CDYL2: variants seen among roughly 807,000 people sequenced by gnomAD.
CDYL2 encodes the protein chromodomain Y-like protein 2.
In CDYL2, 23 loss-of-function variants were observed where a neutral mutation model predicts 49.4. That is an observed-to-expected ratio of 0.47 (90% confidence interval 0.34 to 0.66). CDYL2 has a LOEUF of 0.66. Ranked by LOEUF, CDYL2 falls within the 30% of genes least tolerant of loss-of-function variation. The pLI is 0.01. For missense variants in CDYL2, 678 were observed against 656.4 expected (o/e 1.03, Z -0.36); for synonymous variants, 360 against 268.8 (o/e 1.34, Z -3.32).
chr16:80,797,840 G>C (rs1907812292), intron 1 of CDYL2, among the ~76,000 whole-genome samples: 2 of 152,138 alleles, frequency 1.3e-5, no homozygotes, highest in Admixed American at 1.3e-4. Flanking sequence ...TATTGAAACA[G>C]CACATTAACT....
chr16:80,668,848 G>A (rs189859901), intron 2 of CDYL2, among the ~76,000 whole-genome samples: 230 of 152,074 alleles, frequency 1.5e-3, no homozygotes, highest in African/African-American at 5.2e-3. Flanking sequence ...GCAGTGAGCC[G>A]AGATCACCCC....
chr16:80,773,942 CAGAT>C (rs756627513), intron 1 of CDYL2, among the ~76,000 whole-genome samples: 9 of 151,888 alleles, frequency 5.9e-5, no homozygotes, highest in Middle Eastern at 3.2e-3. Flanking sequence ...GTTCTACAAA[CAGAT>C]AGGTTTATAG....
chr16:80,783,697 T>C (rs961722193), intron 1 of CDYL2, among the ~76,000 whole-genome samples: 1 of 152,238 alleles, frequency 6.6e-6, no homozygotes, highest in Non-Finnish European at 1.5e-5. Flanking sequence ...ATGAGTCAGA[T>C]TACATGCTAC....
intron 1 of CDYL2, among the ~76,000 whole-genome samples, chr16:80,737,737 G>C (rs1017039139): frequency 6.6e-6 from 1 of 152,190 alleles, no homozygotes; most frequent in African/African-American, 2.4e-5. Flanking sequence ...CAGTAGGTCT[G>C]GGGTAAGGCT....
chr16:80,735,725 T>C (rs1905498331), intron 1 of CDYL2, among the ~76,000 whole-genome samples: 2 of 152,228 alleles, frequency 1.3e-5, no homozygotes, highest in East Asian at 1.9e-4. Flanking sequence ...CAATAATCAC[T>C]GGACTCTCGA....
At chr16:80,676,101 C>T (rs971502469) in intron 2 of CDYL2, among the ~76,000 whole-genome samples, 5 of 152,218 alleles carry the variant, frequency 3.3e-5, no homozygotes, top group East Asian at 3.9e-4. Context: ...GTTAAAGAGT[C>T]GGATTTCCCA....
chr16:80,681,055 G>A (rs560045212), intron 2 of CDYL2, among the ~76,000 whole-genome samples: 109 of 152,210 alleles, frequency 7.2e-4, no homozygotes, highest in African/African-American at 2.4e-3. Context: ...AACACCACCC[G>A]CCGGAGCCCC....
chr16:80,622,423 G>A (rs2142377824), intron 3 of CDYL2, among the ~76,000 whole-genome samples: 1 of 150,790 alleles, frequency 6.6e-6, no homozygotes, highest in Admixed American at 6.6e-5. Context: ...ATTCTCCCTT[G>A]CCCAGCACCC....
chr16:80,755,711 A>G (rs779074002), intron 1 of CDYL2, among the ~76,000 whole-genome samples: 1 of 152,206 alleles, frequency 6.6e-6, no homozygotes, highest in African/African-American at 2.4e-5. Context: ...GACAACACCA[A>G]CAGTACTGTA....
intron 1 of CDYL2, among the ~76,000 whole-genome samples, chr16:80,687,068 G>C (rs1435551601): frequency 6.6e-6 from 1 of 152,218 alleles, no homozygotes; most frequent in Non-Finnish European, 1.5e-5. Context: ...AGGATTTCTG[G>C]AAGAGCCTGC....
rs35071485 is a variant in CDYL2, at chr16:80,702,183, A to AACACACACAC, written c.25-17064_25-17055dup. 7.2e-3 allele frequency among the ~76,000 whole-genome samples: 1,032 copies of AACACACACAC among 142,846 alleles called. 13 individuals are homozygous for AACACACACAC. The highest frequency in any genetic ancestry group is 0.025 in the African/African-American group (959 of 38,230). The allele number at this position is 142,846 out of a possible 152,430, so 93.7% of individuals were successfully genotyped here. A position where few individuals can be genotyped will look rare whatever the true frequency, so the allele number is the denominator to read the frequency against. On this transcript the variant is annotated intron_variant, in intron 1 of 6. Transcript: ENST00000570137. ...AGGTTCCAAGAGTCAGAAGGCCTAA[A>AACACACACAC]ACACACACACACACACACACACACA...
intron 1 of CDYL2, among the ~76,000 whole-genome samples, chr16:80,718,216 T>C (rs1482374035): frequency 3.3e-5 from 5 of 152,250 alleles, no homozygotes; most frequent in Non-Finnish European, 5.9e-5. Flanking sequence ...AGTTTTGTTT[T>C]GTCTTCACAC....
At chr16:80,777,141 G>C (rs1473294749) in intron 1 of CDYL2, among the ~76,000 whole-genome samples, 1 of 152,060 alleles carries the variant, frequency 6.6e-6, no homozygotes, top group Admixed American at 6.6e-5. Context: ...ATTTTTTAAA[G>C]TCAAGAAAAT....
chr16:80,782,362 C>T (rs931448278), intron 1 of CDYL2, among the ~76,000 whole-genome samples: 2 of 151,468 alleles, frequency 1.3e-5, no homozygotes, highest in South Asian at 2.1e-4. Flanking sequence ...GCCCCCCAAA[C>T]GAAGAAAAGG....
At chr16:80,749,872 G>A (rs529165887) in intron 1 of CDYL2, among the ~76,000 whole-genome samples, 1 of 152,130 alleles carries the variant, frequency 6.6e-6, no homozygotes, top group African/African-American at 2.4e-5. Flanking sequence ...TTAAGAAAAT[G>A]TGGCACATAG....
intron 2 of CDYL2, among the ~76,000 whole-genome samples, chr16:80,681,523 C>T (rs918258569): frequency 1.3e-5 from 2 of 152,148 alleles, no homozygotes; most frequent in African/African-American, 2.4e-5. Flanking sequence ...TGGGTCTTGT[C>T]CAGGAACCTC....
At chr16:80,771,241 C>T (rs1448023904) in intron 1 of CDYL2, among the ~76,000 whole-genome samples, 1 of 152,054 alleles carries the variant, frequency 6.6e-6, no homozygotes, top group Non-Finnish European at 1.5e-5. Flanking sequence ...AATGCAATGT[C>T]AAGTATACAA....
intron 1 of CDYL2, among the ~76,000 whole-genome samples, chr16:80,705,580 C>A (rs1904378594): frequency 6.6e-6 from 1 of 152,244 alleles, no homozygotes. Context: ...CTGTTGCAGG[C>A]CTTTGTGCTA....
At chr16:80,635,008 T>G (rs376420941) in intron 2 of CDYL2, among the ~76,000 whole-genome samples, 1 of 152,184 alleles carries the variant, frequency 6.6e-6, no homozygotes, top group Non-Finnish European at 1.5e-5. Flanking sequence ...CAAAGCCAGA[T>G]AAAGACATTA....
Sources: gnomAD v4.1 joint callset for allele counts (sites outside exome capture counted in the v4.1 genomes callset) on GRCh38, gnomAD v4.1.1 for gene constraint, MANE v1.5 for transcripts, NCBI Gene and HGNC (gene_info 2026-07-23, HGNC 2026-07-21) for gene names.